Variants in UST observed in about 807,000 individuals in gnomAD.
The protein encoded by UST is uronyl 2-sulfotransferase, also known as chondroitin sulfate 2-O-sulfotransferase.
In UST, 21 loss-of-function variants were observed where a neutral mutation model predicts 45.6. The ratio of observed to expected loss-of-function variants is 0.46; its 90% CI spans 0.33 to 0.66. The LOEUF (loss-of-function observed/expected upper bound fraction) is 0.66. Ranked by LOEUF, UST falls within the 30% of genes least tolerant of loss-of-function variation. The pLI, the probability that UST is intolerant of heterozygous loss-of-function variation, is 0.02. For synonymous variants in UST, 215 were observed against 200.6 expected (o/e 1.07, Z -0.61); for missense variants, 463 against 512.4 (o/e 0.90, Z 0.93).
At chr6:148,824,170 A>G (rs1441891936) in intron 1 of UST, among the ~76,000 whole-genome samples, 1 of 152,206 alleles carries the variant, frequency 6.6e-6, no homozygotes, top group East Asian at 1.9e-4. Flanking sequence ...TTCAACTCAT[A>G]TTTCTGGACG....
chr6:148,927,959 G>C (rs1416170786), intron 2 of UST, among the ~76,000 whole-genome samples: 1 of 152,162 alleles, frequency 6.6e-6, no homozygotes. Context: ...CCAGCCCTTT[G>C]ATAGACATAA....
intron 5 of UST, among the ~76,000 whole-genome samples, chr6:148,965,576 T>C (rs141848872): frequency 5.4e-4 from 83 of 152,360 alleles, no homozygotes; most frequent in Middle Eastern, 6.8e-3. Context: ...CCAGGACGGC[T>C]GCTTCCTCAT....
intron 2 of UST, among the ~76,000 whole-genome samples, chr6:148,936,795 A>G (rs1780035462): frequency 6.6e-6 from 1 of 152,042 alleles, no homozygotes; most frequent in Admixed American, 6.6e-5. Flanking sequence ...TCTCGGCTTC[A>G]AGCGATTCTC....
chr6:149,003,458 A>C, intron 5 of UST, among the ~76,000 whole-genome samples: 1 of 150,242 alleles, frequency 6.7e-6, no homozygotes, highest in Admixed American at 6.6e-5. Context: ...AAAAAAAAAC[A>C]TTAAGGCACC....
In UST at chr6:148,790,087, C is replaced by G. The variant is rs988541618; in HGVS notation, c.247+42410C>G. On this transcript the variant is annotated intron_variant, in intron 1 of 7. Coordinates refer to ENST00000367463, the MANE Select transcript of UST (RefSeq NM_005715.3). This position sits in a 1 kb window ranked among gnomAD's most constrained non-coding sequence, Gnocchi z 4.2. ...TTTCTTTCTCTGGGAATAATGCATT[C>G]GCATTGCTATCGTAGTTATCCTTGC... Among the ~76,000 whole-genome samples the G allele has an allele frequency of 6.8e-6, 1 of 147,408 alleles. No individual in the cohort carries two copies. The highest frequency in any genetic ancestry group is 1.5e-5 in the Non-Finnish European group (1 of 67,422).
chr6:148,771,984 C>T (rs1776437332), intron 1 of UST, among the ~76,000 whole-genome samples: 1 of 152,126 alleles, frequency 6.6e-6, no homozygotes. Flanking sequence ...GGGACAATAC[C>T]TCCTTCAATA....
At chr6:148,770,780 T>C (rs570726539) in intron 1 of UST, among the ~76,000 whole-genome samples, 36 of 152,300 alleles carry the variant, frequency 2.4e-4, no homozygotes, top group African/African-American at 8.2e-4. Context: ...GAGACATGAA[T>C]GGCCCTGGGT....
chr6:148,876,334 A>G lies in UST; in HGVS notation c.248-10652A>G, dbSNP rs537179738. Among the ~76,000 whole-genome samples the G allele has an allele frequency of 2.6e-5, 4 of 152,224 alleles. No homozygotes were observed. In the East Asian group the frequency reaches 7.7e-4, roughly 29 times the overall value. The stretch of plus-strand genomic sequence containing the variant: ...CCTCCCACCAGGCCCCACCTCCAAC[A>G]CCGAGGATTATATCTCAACATGAGA... On this transcript the variant is annotated intron_variant, in intron 1 of 7. Transcript: ENST00000367463.
chr6:148,936,573 CTTTTTTTTTTTTTTTTTT>C (rs138494669), intron 2 of UST, among the ~76,000 whole-genome samples: 2 of 85,336 alleles, frequency 2.3e-5, no homozygotes, highest in Non-Finnish European at 4.4e-5. Context: ...AAAATCAGTC[CTTTTTTTTTTTTTTTTTT>C]TTTTTTTTTT....
intron 1 of UST, among the ~76,000 whole-genome samples, chr6:148,819,109 C>A (rs1159692391): frequency 1.3e-5 from 2 of 152,102 alleles, no homozygotes; most frequent in Non-Finnish European, 2.9e-5. Flanking sequence ...GCTCTGTGAG[C>A]GAACTTTGCA....
intron 5 of UST, among the ~76,000 whole-genome samples, chr6:149,013,228 A>T (rs1191901354): frequency 1.3e-5 from 2 of 152,230 alleles, no homozygotes; most frequent in African/African-American, 2.4e-5. Flanking sequence ...AGCCTTTTCT[A>T]GATCTTGAGA....
Position 148,833,067 on chromosome 6 carries a change from A to C in UST, c.248-53919A>C, listed in dbSNP as rs78040474. On this transcript the variant is annotated intron_variant, in intron 1 of 7. Transcript: ENST00000367463. ...ATTCTTGACCCCCTGTCCTCCTGAGAAAAAGCACCAGATCATTCATGACCT... is the reference window on the plus strand; with the variant it reads ...ATTCTTGACCCCCTGTCCTCCTGAGCAAAAGCACCAGATCATTCATGACCT... Among the ~76,000 whole-genome samples the C allele has an allele frequency of 1.9e-3, 297 of 152,326 alleles. 1 individual carries two copies. Among genetic ancestry groups the C allele is most frequent in the African/African-American group, 7.0e-3 (291 of 41,578 alleles).
chr6:149,020,233 T>C (rs1177859370), intron 6 of UST, among the ~76,000 whole-genome samples: 1 of 152,236 alleles, frequency 6.6e-6, no homozygotes, highest in African/African-American at 2.4e-5. Context: ...AGTTTGCTTA[T>C]AGTCCAAATT....
At chr6:148,883,534 C>T (rs1778860693) in intron 1 of UST, among the ~76,000 whole-genome samples, 1 of 152,166 alleles carries the variant, frequency 6.6e-6, no homozygotes, top group African/African-American at 2.4e-5. Flanking sequence ...ACAGTAACAA[C>T]AGTCACAATA....
chr6:148,867,092 T>C (rs1263096007), intron 1 of UST, among the ~76,000 whole-genome samples: 1 of 152,132 alleles, frequency 6.6e-6, no homozygotes, highest in Admixed American at 6.6e-5. Context: ...CAATCTCACA[T>C]CCACGTAACC....
intron 7 of UST, among the ~76,000 whole-genome samples, chr6:149,037,422 G>C (rs1776253512): frequency 6.6e-6 from 1 of 152,248 alleles, no homozygotes; most frequent in African/African-American, 2.4e-5. Flanking sequence ...TGAAGGGAAA[G>C]TCAATCAGTG....
chr6:148,838,657 C>T (rs1363683129), intron 1 of UST, among the ~76,000 whole-genome samples: 8 of 152,026 alleles, frequency 5.3e-5, no homozygotes, highest in Non-Finnish European at 1.0e-4. Context: ...CACTTTGGGA[C>T]CCCAAGGTGA....
chr6:148,964,298 T>C (rs1780734480), intron 4 of UST, 112 bp from the exon 5 acceptor site: 1 of 1,304,728 alleles, frequency 7.7e-7, no homozygotes, highest in Non-Finnish European at 1.1e-6. Flanking sequence ...CACCTTAGCA[T>C]AGGAGGTCAT....
At chr6:148,828,408 G>C (rs1317054795) in intron 1 of UST, among the ~76,000 whole-genome samples, 2 of 152,068 alleles carry the variant, frequency 1.3e-5, no homozygotes, top group African/African-American at 4.8e-5. Context: ...AGCATGCAGA[G>C]CTAGTTATAG....
Sources: gnomAD v4.1 joint callset for allele counts (sites outside exome capture counted in the v4.1 genomes callset) on GRCh38, gnomAD v4.1.1 for gene constraint, Gnocchi (gnomAD v3.1) non-coding constraint, MANE v1.5 for transcripts, NCBI Gene and HGNC (gene_info 2026-07-23, HGNC 2026-07-21) for gene names.